PCLO: variants seen among roughly 807,000 people sequenced by gnomAD.
PCLO encodes protein piccolo.
Under a neutral mutation model 427.5 loss-of-function variants are expected in PCLO, and 82 were observed. That is an observed-to-expected ratio of 0.19 (90% CI 0.16 to 0.23). The LOEUF (loss-of-function observed/expected upper bound fraction) is 0.23. PCLO is among the 10% of genes least tolerant of loss of function. PCLO has a pLI of 1.00. For missense variants in PCLO, 6,239 were observed against 6,115.9 expected (o/e 1.02, Z -0.67); for synonymous variants, 2,357 against 2,155.4 (o/e 1.09, Z -2.59).
intron 22 of PCLO, among the ~76,000 whole-genome samples, chr7:82,794,423 C>G (rs1366780100): frequency 7.5e-6 from 1 of 133,620 alleles, no homozygotes; most frequent in African/African-American, 2.6e-5. Context: ...AGTGAAAAGC[C>G]ATTGTTACTG....
intron 3 of PCLO, among the ~76,000 whole-genome samples, chr7:83,059,978 G>T (rs182177703): frequency 7.9e-5 from 12 of 152,280 alleles, no homozygotes; most frequent in African/African-American, 2.6e-4. Flanking sequence ...ACAGTCTAAT[G>T]ATTTCCGTGG....
At position 83,022,432 on chromosome 7, in the gene PCLO, A is replaced by C. The variant is rs538216716; in HGVS notation, c.3301-55945T>G. Among the ~76,000 whole-genome samples, 11 of 152,322 alleles carry C rather than the reference A, an allele frequency of 7.2e-5. No homozygotes were observed. The South Asian group carries it at 2.3e-3, about 32-fold the overall frequency. On this transcript the variant is annotated intron_variant, in intron 3 of 24. Coordinates refer to ENST00000333891, the MANE Select transcript of PCLO (RefSeq NM_033026.6). ...AGTGACTTAAGCAAAGGTAGCTGGA[A>C]AATGATGGCAATATTTTAAAGGATC...
At chr7:82,968,517 CTTTTTTTTTTTT>C (rs11324005) in intron 3 of PCLO, among the ~76,000 whole-genome samples, 1 of 73,228 alleles carries the variant, frequency 1.4e-5, no homozygotes, top group Non-Finnish European at 2.9e-5. Flanking sequence ...CAGAGTCTGA[CTTTTTTTTTTTT>C]TTTTTTTTTG....
rs184561185 is a variant in PCLO at position 82,772,298 on chromosome 7, T to G, written c.15008-10805A>C. 5.5e-3 allele frequency among the ~76,000 whole-genome samples: 844 copies of G among 152,272 alleles called. 3 individuals carry two copies. The highest frequency in any genetic ancestry group is 8.7e-3 in the Non-Finnish European group (595 of 68,014). Reference sequence around the variant, plus strand: ...ATTGATGAGAGATATTTCGGATATTTTTTTTCAAATCTATGGTTTCACCCA... The same window carrying G: ...ATTGATGAGAGATATTTCGGATATTGTTTTTCAAATCTATGGTTTCACCCA... On this transcript the variant is annotated intron_variant, in intron 22 of 24. Transcript: ENST00000333891.
intron 22 of PCLO, among the ~76,000 whole-genome samples, chr7:82,799,106 TA>T (rs1791288528): frequency 6.6e-6 from 1 of 152,208 alleles, no homozygotes; most frequent in South Asian, 2.1e-4. Flanking sequence ...ACATTTATAC[TA>T]AAACAATTTT....
Position 83,027,741 on chromosome 7 carries a change from C to T in PCLO, c.3301-61254G>A, listed in dbSNP as rs1287349042. On this transcript the variant is annotated intron_variant, in intron 3 of 24. Transcript: ENST00000333891. ...TGGCAAAACGAATCCAGCAGCACAT[C>T]AAAAAGCTTATCCACCATGATCAAG... Among the ~76,000 whole-genome samples the T allele has an allele frequency of 1.1e-4, 13 of 120,988 alleles. 1 individual carries two copies. The highest frequency in any genetic ancestry group is 6.8e-4 in the Admixed American group (8 of 11,826). 79.4% of individuals were successfully genotyped at this position (120,988 alleles called of 152,430 possible).
At chr7:82,872,493 C>G (rs1285962050) in intron 10 of PCLO, among the ~76,000 whole-genome samples, 2 of 151,228 alleles carry the variant, frequency 1.3e-5, no homozygotes, top group African/African-American at 4.9e-5. Context: ...TTGACCCTGA[C>G]AAATGTAAAA....
intron 3 of PCLO, among the ~76,000 whole-genome samples, chr7:83,030,348 A>G (rs1788636025): frequency 1.3e-5 from 2 of 152,312 alleles, no homozygotes; most frequent in South Asian, 4.1e-4. Flanking sequence ...AATAAATGCT[A>G]GGATTTCATC....
Position 82,756,660 on chromosome 7 carries a change from C to T in PCLO, c.*1915G>A, listed in dbSNP as rs1031996699. The T allele has an allele frequency of 6.6e-6, 1 of 151,884 alleles. No individual in the cohort carries two copies. The highest frequency in any genetic ancestry group is 6.6e-5 in the Admixed American group (1 of 15,226). The allele number at this position is 151,884 out of a possible 1,614,324, so 9.4% of individuals were successfully genotyped here. A position where few individuals can be genotyped will look rare whatever the true frequency, so the allele number is the denominator to read the frequency against. On this transcript the variant is annotated 3_prime_UTR_variant, in exon 25 of 25. Transcript: ENST00000333891. ...AGAAAATTCAATATCCAACCAATAT[C>T]TAGAGTTGGTTTTCTCTAATTCCAC... is the stretch of plus-strand genomic sequence containing the variant.
At chr7:83,010,931 C>T (rs548341115) in intron 3 of PCLO, among the ~76,000 whole-genome samples, 42 of 152,110 alleles carry the variant, frequency 2.8e-4, no homozygotes, top group African/African-American at 8.2e-4. Context: ...CTGTCATACC[C>T]AAACATAAAT....
At chr7:82,803,418 T>G (rs577389173) in intron 21 of PCLO, among the ~76,000 whole-genome samples, 6 of 152,278 alleles carry the variant, frequency 3.9e-5, no homozygotes, top group African/African-American at 1.2e-4. Flanking sequence ...TGATAATTTT[T>G]GGGGTTGTTC....
At chr7:83,028,208 C>T (rs1210838712) in intron 3 of PCLO, among the ~76,000 whole-genome samples, 1 of 151,684 alleles carries the variant, frequency 6.6e-6, no homozygotes, top group Non-Finnish European at 1.5e-5. Flanking sequence ...CTAGAAAACC[C>T]CATTGTCTCA....
At chr7:83,003,962 G>A (rs1201901520) in intron 3 of PCLO, among the ~76,000 whole-genome samples, 2 of 151,438 alleles carry the variant, frequency 1.3e-5, no homozygotes, top group Non-Finnish European at 3.0e-5. Context: ...CACCCATGAA[G>A]TTATCTGGTA....
chr7:82,761,150 C>A (rs35172911), intron 23 of PCLO, among the ~76,000 whole-genome samples: 4,946 of 151,550 alleles, frequency 0.033, 120 homozygotes, highest in Admixed American at 0.07. Flanking sequence ...AATTGTCCTT[C>A]TGTTGGCTAA....
intron 8 of PCLO, 69 bp from the exon 9 acceptor site, chr7:82,902,810 G>A: frequency 1.3e-6 from 1 of 759,370 alleles, no homozygotes; most frequent in East Asian, 2.5e-5. Flanking sequence ...TACATAATTA[G>A]AATGGTTCAT....
chr7:83,072,868 T>C (rs1468597816), intron 3 of PCLO, among the ~76,000 whole-genome samples: 1 of 152,024 alleles, frequency 6.6e-6, no homozygotes, highest in Non-Finnish European at 1.5e-5. Context: ...AATTTTCCAT[T>C]ATCCAGACTT....
intron 22 of PCLO, among the ~76,000 whole-genome samples, chr7:82,799,197 T>A (rs1791290327): frequency 6.6e-6 from 1 of 152,228 alleles, no homozygotes; most frequent in Non-Finnish European, 1.5e-5. Flanking sequence ...TATATCTAAA[T>A]TCTAGACTAA....
At chr7:83,133,957 T>C (rs940683773) in intron 3 of PCLO, among the ~76,000 whole-genome samples, 3 of 151,810 alleles carry the variant, frequency 2.0e-5, no homozygotes, top group African/African-American at 7.2e-5. Flanking sequence ...TTTTTTTCTT[T>C]ATTTCATGAA....
chr7:82,954,601 C>G lies in PCLO; in HGVS notation c.6352G>C (p.Asp2118His). The stretch of plus-strand genomic sequence containing the variant: ...GAGAGTGTTGCACTGCTGGTCGAAT[C>G]TGTAAGAGACGCTCCTGAGAGAACA... ...SSVLSGASLTDSTSSATLSIP... is the reference protein window; with the variant it reads ...SSVLSGASLTHSTSSATLSIP... Residue 2118 changes from aspartate to histidine, a missense_variant, in exon 5 of 25, where the codon GAT (aspartate) becomes CAT (histidine). This residue lies in a region of PCLO where 4,677 missense variants were observed against 4,468.4 expected (regional missense o/e 1.05). Coordinates refer to ENST00000333891, the MANE Select transcript of PCLO (RefSeq NM_033026.6). 6.2e-7 allele frequency: 1 copy of G among 1,613,944 alleles called. No individual in the cohort carries two copies. The highest frequency in any genetic ancestry group is 8.5e-7 in the Non-Finnish European group (1 of 1,179,872).
Sources: allele counts gnomAD v4.1 joint callset (sites outside exome capture counted in the v4.1 genomes callset), GRCh38; gene constraint gnomAD v4.1.1; regional missense constraint gnomAD v4.1.1; transcripts MANE v1.5; gene names NCBI Gene and HGNC (gene_info 2026-07-23, HGNC 2026-07-21).